The following PCDH9 variants were observed in gnomAD, a reference collection of about 807,000 sequenced individuals.
PCDH9 encodes the protein protocadherin-9.
A neutral mutation model predicts 70.6 loss-of-function variants in PCDH9; 24 were observed. That is an observed-to-expected ratio of 0.34 (90% CI 0.25 to 0.48). The LOEUF (loss-of-function observed/expected upper bound fraction) is 0.48, where lower values mean the gene tolerates loss of function less well. Ranked by LOEUF, PCDH9 falls within the 20% of genes least tolerant of loss-of-function variation. The pLI, the probability that PCDH9 is intolerant of heterozygous loss-of-function variation, is 0.99. For synonymous variants in PCDH9, 562 were observed against 558.5 expected (o/e 1.01, Z -0.09); for missense variants, 1,281 against 1,503.6 (o/e 0.85, Z 2.45).
At chr13:66,509,504 C>T (rs1959359171) in intron 4 of PCDH9, among the ~76,000 whole-genome samples, 1 of 152,164 alleles carries the variant, frequency 6.6e-6, no homozygotes, top group South Asian at 2.1e-4. Context: ...CCTTTTGCAA[C>T]ATCCTCATCC....
At chr13:66,520,525 A>C (rs9540785) in intron 4 of PCDH9, among the ~76,000 whole-genome samples, 38,517 of 152,138 alleles carry the variant, frequency 0.25, 5,367 homozygotes, top group South Asian at 0.35. Context: ...GATGCAAAGC[A>C]ATCTCCCTGG....
chr13:66,318,895 T>G (rs1360963460), intron 4 of PCDH9, among the ~76,000 whole-genome samples: 3 of 152,228 alleles, frequency 2.0e-5, no homozygotes, highest in Admixed American at 1.3e-4. Flanking sequence ...TGGTGACTTC[T>G]CTGATAAGCT....
chr13:66,591,762 T>C (rs1214225159), intron 4 of PCDH9, among the ~76,000 whole-genome samples: 1 of 151,596 alleles, frequency 6.6e-6, no homozygotes. Context: ...TAGTATAAAA[T>C]TCTAAGAGTT....
At chr13:66,702,412 G>T (rs2078658545) in intron 3 of PCDH9, among the ~76,000 whole-genome samples, 1 of 152,176 alleles carries the variant, frequency 6.6e-6, no homozygotes. Context: ...GCCAGGGACT[G>T]AAGGAGGGGG....
At chr13:66,751,531 T>C (rs2079459350) in intron 3 of PCDH9, among the ~76,000 whole-genome samples, 2 of 152,154 alleles carry the variant, frequency 1.3e-5, no homozygotes, top group Non-Finnish European at 2.9e-5. Context: ...AAACATATAA[T>C]TTGTTCAGCT....
intron 4 of PCDH9, among the ~76,000 whole-genome samples, chr13:66,421,867 T>C (rs751570196): frequency 6.6e-6 from 1 of 152,036 alleles, no homozygotes; most frequent in Non-Finnish European, 1.5e-5. Context: ...GACTGGCAAA[T>C]TGGATAAAGA....
At chr13:66,622,621 A>G (rs1446810639) in intron 4 of PCDH9, among the ~76,000 whole-genome samples, 1 of 152,138 alleles carries the variant, frequency 6.6e-6, no homozygotes, top group Non-Finnish European at 1.5e-5. Context: ...CTCTGTATCT[A>G]GCTAATCTGG....
intron 2 of PCDH9, among the ~76,000 whole-genome samples, chr13:67,072,089 T>TA (rs2085778444): frequency 6.6e-6 from 1 of 152,118 alleles, no homozygotes; most frequent in Non-Finnish European, 1.5e-5. Context: ...TAGGAGTGAC[T>TA]ACTGATCTCT....
intron 2 of PCDH9, among the ~76,000 whole-genome samples, chr13:67,039,958 A>G (rs1489889059): frequency 6.6e-6 from 1 of 152,080 alleles, no homozygotes; most frequent in Admixed American, 6.6e-5. Context: ...CCTAGTTGGT[A>G]TTTGTTTACA....
chr13:66,741,700 A>T (rs2079266052), intron 3 of PCDH9, among the ~76,000 whole-genome samples: 1 of 34,386 alleles, frequency 2.9e-5, no homozygotes, highest in Admixed American at 3.8e-4. Context: ...CACCAACAAC[A>T]GACAAACAGA....
At chr13:67,102,137 C>T (rs1402647607) in intron 2 of PCDH9, among the ~76,000 whole-genome samples, 1 of 152,064 alleles carries the variant, frequency 6.6e-6, no homozygotes, top group South Asian at 2.1e-4. Flanking sequence ...TCCTTTAGAG[C>T]TTCAGTTAAA....
At chr13:66,959,497 A>G (rs1292983062) in intron 2 of PCDH9, among the ~76,000 whole-genome samples, 1 of 152,136 alleles carries the variant, frequency 6.6e-6, no homozygotes, top group Non-Finnish European at 1.5e-5. Context: ...TCAGGCTTGT[A>G]ATTTCAGTGG....
intron 2 of PCDH9, among the ~76,000 whole-genome samples, chr13:67,008,508 T>C (rs965301521): frequency 6.6e-6 from 1 of 152,176 alleles, no homozygotes. Context: ...TTTACCCCAC[T>C]GGCTACTATA....
chr13:67,226,700 C>T lies in PCDH9; in HGVS notation c.1741G>A (p.Val581Met), dbSNP rs143447169. ...KFTHNHFQFF[V>M]SENLPKYSTV... ...CTATACTTTGGCAGATTCTCAGACA[C>T]AAAAAATTGAAAATGATTATGAGTA... Residue 581 changes from valine (V) to methionine (M), a missense_variant, in exon 2 of 5, where the codon GTG becomes ATG. By Grantham distance (21) the Val-to-Met change is conservative. Transcript: ENST00000377865. This position sits in a 1 kb window ranked among gnomAD's most constrained non-coding sequence, Gnocchi z 5.0. 10 of 1,614,056 alleles carry T rather than the reference C, an allele frequency of 6.2e-6. No homozygotes were observed. The highest frequency in any genetic ancestry group is 1.3e-5 in the African/African-American group (1 of 75,018).
chr13:66,756,589 C>T (rs1197488800), intron 3 of PCDH9, among the ~76,000 whole-genome samples: 2 of 152,114 alleles, frequency 1.3e-5, no homozygotes, highest in Non-Finnish European at 2.9e-5. Flanking sequence ...CAGCTGCATG[C>T]CATGGGAGCT....
intron 2 of PCDH9, among the ~76,000 whole-genome samples, chr13:67,190,326 A>G (rs1371310928): frequency 6.6e-6 from 1 of 152,024 alleles, no homozygotes; most frequent in African/African-American, 2.4e-5. Context: ...TGTGAACAGA[A>G]TATCAATGTT....
chr13:67,024,140 C>A (rs2084732886), intron 2 of PCDH9, among the ~76,000 whole-genome samples: 1 of 152,132 alleles, frequency 6.6e-6, no homozygotes, highest in African/African-American at 2.4e-5. Flanking sequence ...AGAAGCTGAT[C>A]TGGGTATTTT....
intron 4 of PCDH9, among the ~76,000 whole-genome samples, chr13:66,499,437 T>G (rs1405527336): frequency 6.6e-6 from 1 of 152,142 alleles, no homozygotes; most frequent in Non-Finnish European, 1.5e-5. Flanking sequence ...TAAAAAACAT[T>G]GTTCTGATTA....
chr13:66,979,595 T>C (rs1727165564), intron 2 of PCDH9, among the ~76,000 whole-genome samples: 1 of 152,144 alleles, frequency 6.6e-6, no homozygotes, highest in South Asian at 2.1e-4. Flanking sequence ...CTATAGTGAC[T>C]CTCATTTTAA....
Sources: allele counts gnomAD v4.1 joint callset (sites outside exome capture counted in the v4.1 genomes callset), GRCh38; gene constraint gnomAD v4.1.1; non-coding constraint Gnocchi (gnomAD v3.1); transcripts MANE v1.5; gene names NCBI Gene and HGNC (gene_info 2026-07-23, HGNC 2026-07-21).